BCL11A: variants seen among roughly 807,000 people sequenced by gnomAD.
The protein encoded by BCL11A is BCL11 transcription factor A.
BCL11A carries 2 observed loss-of-function variants against 55.9 expected under a neutral mutation model. The observed-to-expected ratio is 0.04, with a 90% CI of 0.01 to 0.11. The LOEUF is 0.11. Among genes scored for constraint, BCL11A ranks in the 10% least tolerant of loss-of-function variants. BCL11A has a pLI of 1.00. For synonymous variants in BCL11A, 465 were observed against 473.4 expected (o/e 0.98, Z 0.23); for missense variants, 817 against 1,137.1 (o/e 0.72, Z 4.05).
chr2:60,530,761 G>C (rs1415556262), intron 2 of BCL11A, among the ~76,000 whole-genome samples: 1 of 150,250 alleles, frequency 6.7e-6, no homozygotes, highest in African/African-American at 2.4e-5. Flanking sequence ...TCTAAAGCCT[G>C]GCCCTCGGCC....
chr2:60,518,641 G>A (rs1437441361), intron 2 of BCL11A, among the ~76,000 whole-genome samples: 3 of 152,182 alleles, frequency 2.0e-5, no homozygotes, highest in Non-Finnish European at 1.5e-5. Flanking sequence ...GGCATGGGAG[G>A]TGACACACAA....
Position 60,458,272 on chromosome 2 carries a change from A to AT in BCL11A, c.*2131dup. 9.9e-7 allele frequency: 1 copy of AT among 1,012,676 alleles called. No individual in the cohort carries two copies. Among genetic ancestry groups the AT allele is most frequent in the South Asian group, 4.7e-5 (1 of 21,296 alleles). 62.7% of individuals were successfully genotyped at this position (1,012,676 alleles called of 1,614,324 possible). A position where few individuals can be genotyped will look rare whatever the true frequency, so the allele number is the denominator to read the frequency against. On this transcript the variant is annotated 3_prime_UTR_variant, in exon 4 of 4. Transcript: ENST00000642384. Reference sequence around the variant, plus strand: ...ATAATCTTAAACCTTTCCCCAATGTATGTTTTTTTTTTTTACAACCTGAAG... The same window carrying AT: ...ATAATCTTAAACCTTTCCCCAATGTATTGTTTTTTTTTTTTACAACCTGAAG...
chr2:60,550,887 A>T (rs994005239), intron 1 of BCL11A: 2 of 387,988 alleles, frequency 5.2e-6, no homozygotes, highest in African/African-American at 4.2e-5. Context: ...CTGTAACTTC[A>T]CACCGCCGCG....
downstream of BCL11A, chr2:60,452,865 T>A (rs1325962339): frequency 3.9e-6 from 2 of 518,754 alleles, no homozygotes; most frequent in African/African-American, 3.9e-5. Flanking sequence ...CGTCTTCCCA[T>A]GCCTCCCTCC....
intron 2 of BCL11A, among the ~76,000 whole-genome samples, chr2:60,502,374 C>A (rs908026763): frequency 6.6e-6 from 1 of 152,180 alleles, no homozygotes. Context: ...GAAAAATAAA[C>A]CATCGGAAAA....
At chr2:60,539,283 A>G (rs1222396438) in intron 2 of BCL11A, among the ~76,000 whole-genome samples, 1 of 152,210 alleles carries the variant, frequency 6.6e-6, no homozygotes, top group Non-Finnish European at 1.5e-5. Flanking sequence ...AGCTCCTCCA[A>G]GGTGCAGTAA....
At chr2:60,553,834 G>T (rs906839388), upstream of BCL11A, 2 of 147,474 alleles carry the variant, frequency 1.4e-5, no homozygotes, top group Admixed American at 1.3e-4. Context: ...GCCCCCGGGG[G>T]AGGGGCGGGC....
At chr2:60,504,610 T>A (rs1558650406) in intron 2 of BCL11A, among the ~76,000 whole-genome samples, 1 of 152,172 alleles carries the variant, frequency 6.6e-6, no homozygotes, top group Non-Finnish European at 1.5e-5. Context: ...GCCAACTCTG[T>A]CTCTGTCTCC....
chr2:60,548,190 A>G (rs1175617544), intron 1 of BCL11A, among the ~76,000 whole-genome samples: 2 of 152,152 alleles, frequency 1.3e-5, no homozygotes, highest in East Asian at 3.8e-4. Flanking sequence ...ACATTGATAA[A>G]TGTGGCTTTT....
intron 2 of BCL11A, among the ~76,000 whole-genome samples, chr2:60,516,738 C>A (rs1375534194): frequency 6.6e-6 from 1 of 152,182 alleles, no homozygotes; most frequent in Non-Finnish European, 1.5e-5. Flanking sequence ...CCAAGCTGAG[C>A]ATGAGTCATC....
intron 2 of BCL11A, among the ~76,000 whole-genome samples, chr2:60,501,087 G>A (rs1229713812): frequency 6.6e-6 from 1 of 152,216 alleles, no homozygotes; most frequent in African/African-American, 2.4e-5. Flanking sequence ...CTGCCCACAT[G>A]AGACATCTTT....
At position 60,468,004 on chromosome 2, in the gene BCL11A, G is replaced by GATGGTGGTGGTGGTGGTA. The variant is rs1395651210; in HGVS notation, c.487+727_487+728insTACCACCACCACCACCAT. 4.9e-4 allele frequency among the ~76,000 whole-genome samples: 55 copies of GATGGTGGTGGTGGTGGTA among 111,582 alleles called. 3 individuals carry two copies. The highest frequency in any genetic ancestry group is 2.6e-3 in the South Asian group (8 of 3,050). The allele number at this position is 111,582 out of a possible 152,430, so 73.2% of individuals were successfully genotyped here. ...TGATGGTGGTGGTAATGGTGGTGGT[G>GATGGTGGTGGTGGTGGTA]GTGATGGTGGTGGTGGTGGTAGTGG... On this transcript the variant is annotated intron_variant, in intron 3 of 3. Transcript: ENST00000642384.
At chr2:60,462,876 T>C (rs114747686) in intron 3 of BCL11A, among the ~76,000 whole-genome samples, 1 of 152,310 alleles carries the variant, frequency 6.6e-6, no homozygotes, top group African/African-American at 2.4e-5. Context: ...CAGCTTTCTA[T>C]TCCCCCCTGG....
chr2:60,462,468 G>A (rs1014822263), intron 3 of BCL11A, 44 bp from the exon 4 acceptor site: 1 of 1,554,272 alleles, frequency 6.4e-7, no homozygotes, highest in Non-Finnish European at 8.7e-7. Flanking sequence ...AATCACTGAG[G>A]CGGGCATCAG....
At chr2:60,493,874 A>G (rs1413522878) in intron 2 of BCL11A, among the ~76,000 whole-genome samples, 1 of 152,164 alleles carries the variant, frequency 6.6e-6, no homozygotes, top group Non-Finnish European at 1.5e-5. Context: ...CAGCTTGGCC[A>G]TGGCAGGGCT....
intron 2 of BCL11A, among the ~76,000 whole-genome samples, chr2:60,493,958 T>TGG (rs1573004123): frequency 6.6e-6 from 1 of 151,970 alleles, no homozygotes; most frequent in East Asian, 1.9e-4. Flanking sequence ...CAGAGCTGAG[T>TGG]GGCCTCAGGC....
chr2:60,553,318 G>A lies in BCL11A; in HGVS notation c.-48C>T, dbSNP rs1157247187. The A allele has an allele frequency of 1.3e-6, 2 of 1,517,000 alleles. No homozygotes were observed. The highest frequency in any genetic ancestry group is 1.8e-6 in the Non-Finnish European group (2 of 1,137,832). 94.0% of individuals were successfully genotyped at this position (1,517,000 alleles called of 1,614,324 possible). On this transcript the variant is annotated 5_prime_UTR_variant, in exon 1 of 4. Coordinates refer to ENST00000642384, the MANE Select transcript of BCL11A (RefSeq NM_022893.4). ...GGCGGCGGCGGCGGCGGCGGCGGGC[G>A]GACGACGGCTCGGTTCACATCGGGA...
intron 2 of BCL11A, among the ~76,000 whole-genome samples, chr2:60,540,149 T>C (rs1014200173): frequency 4.6e-5 from 7 of 152,176 alleles, no homozygotes; most frequent in African/African-American, 1.7e-4. Flanking sequence ...TTTTTAATCC[T>C]TGAAATAACA....
exon 5 of BCL11A, chr2:60,451,526 G>T (rs1675721557): frequency 4.3e-6 from 1 of 231,490 alleles, no homozygotes; most frequent in South Asian, 1.8e-4. Flanking sequence ...TGCTGTGATT[G>T]TCTGTTCTGA....
Sources: gnomAD v4.1 joint callset for allele counts (sites outside exome capture counted in the v4.1 genomes callset) on GRCh38, gnomAD v4.1.1 for gene constraint, MANE v1.5 for transcripts, NCBI Gene and HGNC (gene_info 2026-07-23, HGNC 2026-07-21) for gene names.